The following ARHGAP24 variants were observed in gnomAD, a reference collection of about 807,000 sequenced individuals.
ARHGAP24 encodes rho GTPase-activating protein 24.
In ARHGAP24, 50 loss-of-function variants were observed where a neutral mutation model predicts 76.4. That is an observed-to-expected ratio of 0.65 (90% confidence interval 0.52 to 0.83). ARHGAP24 has a LOEUF of 0.83. ARHGAP24 is among the 40% of genes least tolerant of loss of function. The probability of loss-of-function intolerance (pLI) is 0.00; values close to 1 mark genes in which losing one functional copy is unlikely to be tolerated. For synonymous variants in ARHGAP24, 345 were observed against 323.3 expected (o/e 1.07, Z -0.72); for missense variants, 930 against 914.2 (o/e 1.02, Z -0.22).
chr4:85,682,694 T>A (rs1723251834), intron 2 of ARHGAP24, among the ~76,000 whole-genome samples: 1 of 152,174 alleles, frequency 6.6e-6, no homozygotes, highest in African/African-American at 2.4e-5. Flanking sequence ...ATGCGGTTCT[T>A]TGCACTTTGC....
intron 1 of ARHGAP24, among the ~76,000 whole-genome samples, chr4:85,504,651 G>C (rs1723963685): frequency 6.6e-6 from 1 of 152,150 alleles, no homozygotes; most frequent in Non-Finnish European, 1.5e-5. Flanking sequence ...ACAGCACACT[G>C]ATGGGTCTTG....
At chr4:85,976,668 C>A (rs1739345323) in intron 7 of ARHGAP24, among the ~76,000 whole-genome samples, 1 of 152,168 alleles carries the variant, frequency 6.6e-6, no homozygotes, top group East Asian at 1.9e-4. Context: ...ACAATCTCTC[C>A]TATTATTTCA....
Position 85,701,292 on chromosome 4 carries a change from ATT to A in ARHGAP24, c.181-20591_181-20590del, listed in dbSNP as rs556783384. Among the ~76,000 whole-genome samples, 8 of 151,984 alleles carry A rather than the reference ATT, an allele frequency of 5.3e-5. No individual in the cohort carries two copies. In the South Asian group the frequency reaches 1.7e-3, roughly 32 times the overall value. On this transcript the variant is annotated intron_variant, in intron 2 of 9. Transcript: ENST00000395184. Reference sequence around the variant, plus strand: ...GCCTTTTGTTTTGTTTTAATCTTTTATTTCAATAATTTTTGCGTACAGGCAGG... The same window carrying A: ...GCCTTTTGTTTTGTTTTAATCTTTTATCAATAATTTTTGCGTACAGGCAGG...
At chr4:85,509,280 G>A (rs1444198230) in intron 1 of ARHGAP24, among the ~76,000 whole-genome samples, 1 of 151,148 alleles carries the variant, frequency 6.6e-6, no homozygotes, top group Non-Finnish European at 1.5e-5. Flanking sequence ...CACCAGCATG[G>A]CACATGTATA....
chr4:85,810,595 T>G (rs1728970038), intron 3 of ARHGAP24, among the ~76,000 whole-genome samples: 1 of 152,192 alleles, frequency 6.6e-6, no homozygotes, highest in Admixed American at 6.5e-5. Flanking sequence ...CCAATGGCAT[T>G]ATACAGAAAA....
intron 3 of ARHGAP24, among the ~76,000 whole-genome samples, chr4:85,798,827 G>T (rs1471619000): frequency 2.0e-5 from 3 of 151,972 alleles, no homozygotes; most frequent in South Asian, 2.1e-4. Flanking sequence ...TTAATTTTTT[G>T]ATTTTTTCAT....
chr4:85,522,984 A>G (rs1047241260), intron 1 of ARHGAP24, among the ~76,000 whole-genome samples: 9 of 152,162 alleles, frequency 5.9e-5, no homozygotes, highest in African/African-American at 9.7e-5. Flanking sequence ...TGCTTATCAC[A>G]TGACCACATG....
chr4:85,629,278 C>A (rs1291397206), intron 2 of ARHGAP24, among the ~76,000 whole-genome samples: 2 of 152,144 alleles, frequency 1.3e-5, no homozygotes, highest in Non-Finnish European at 2.9e-5. Flanking sequence ...ATGTTATTGG[C>A]ATCACAGTTT....
chr4:85,572,863 C>CTTTT (rs1727191725), intron 2 of ARHGAP24, among the ~76,000 whole-genome samples: 1 of 142,844 alleles, frequency 7.0e-6, no homozygotes, highest in African/African-American at 2.6e-5. Flanking sequence ...TAACTTTATT[C>CTTTT]TTTTTTCTTT....
chr4:85,722,776 A>C (rs760214428), intron 3 of ARHGAP24, among the ~76,000 whole-genome samples: 2 of 152,186 alleles, frequency 1.3e-5, no homozygotes, highest in Non-Finnish European at 2.9e-5. Context: ...TGTAATATTG[A>C]TATTGATTTG....
chr4:85,611,344 A>G lies in ARHGAP24; in HGVS notation c.180+40623A>G, dbSNP rs144067260. ...AGACTAACCTAAAGTTATTGTGTGG[A>G]TAAACTAATATGCATGGAACACCTT... On this transcript the variant is annotated intron_variant, in intron 2 of 9. Coordinates refer to ENST00000395184, the MANE Select transcript of ARHGAP24 (RefSeq NM_001025616.3). Among the ~76,000 whole-genome samples the G allele has an allele frequency of 1.1e-4, 17 of 152,338 alleles. 1 individual carries two copies. The East Asian group carries it at 3.1e-3, about 28-fold the overall frequency.
At chr4:85,808,438 T>A (rs36104548) in intron 3 of ARHGAP24, among the ~76,000 whole-genome samples, 5 of 152,166 alleles carry the variant, frequency 3.3e-5, no homozygotes, top group Admixed American at 2.0e-4. Context: ...CTTTTCAATA[T>A]TCCTTCACTT....
chr4:85,915,518 C>T (rs1279043357), intron 3 of ARHGAP24, among the ~76,000 whole-genome samples: 1 of 152,092 alleles, frequency 6.6e-6, no homozygotes, highest in Non-Finnish European at 1.5e-5. Flanking sequence ...TTTGCCGCAC[C>T]CATCAACCTG....
Position 85,977,583 on chromosome 4 carries a change from G to A in ARHGAP24, c.820G>A (p.Val274Ile), listed in dbSNP as rs764763958. Residue 274 changes from valine to isoleucine, a missense_variant, in exon 8 of 10, where the codon GTA becomes ATA. Val to Ile is a conservative substitution (Grantham distance 29). Transcript: ENST00000395184. ...LKYICRFLDE[V>I]QSYSGVNKMS... is the part of the protein sequence containing the mutation. Reference sequence around the variant, plus strand: ...TATACTCCATAGATTCTTGGATGAAGTACAGTCCTACTCGGGAGTTAACAA... The same window carrying A: ...TATACTCCATAGATTCTTGGATGAAATACAGTCCTACTCGGGAGTTAACAA... 1.8e-5 allele frequency: 29 copies of A among 1,613,674 alleles called. 1 individual carries two copies. The South Asian group carries it at 2.5e-4, about 14-fold the overall frequency.
chr4:85,815,578 A>T (rs1158007379), intron 3 of ARHGAP24, among the ~76,000 whole-genome samples: 2 of 152,202 alleles, frequency 1.3e-5, no homozygotes, highest in Non-Finnish European at 2.9e-5. Flanking sequence ...CCTCATTTCC[A>T]TCTGAGACCA....
At chr4:85,762,437 C>A (rs563566616) in intron 3 of ARHGAP24, among the ~76,000 whole-genome samples, 1 of 152,264 alleles carries the variant, frequency 6.6e-6, no homozygotes, top group African/African-American at 2.4e-5. Context: ...GCCAGCCTTC[C>A]CATTTTCTCC....
intron 1 of ARHGAP24, among the ~76,000 whole-genome samples, chr4:85,515,062 G>C (rs1324562717): frequency 6.6e-6 from 1 of 152,042 alleles, no homozygotes; most frequent in African/African-American, 2.4e-5. Context: ...GAGAGAGTAC[G>C]TAGAATATTC....
At chr4:85,632,294 A>G (rs1243190953) in intron 2 of ARHGAP24, among the ~76,000 whole-genome samples, 2 of 152,094 alleles carry the variant, frequency 1.3e-5, no homozygotes, top group East Asian at 3.9e-4. Flanking sequence ...TTGATAGACA[A>G]CTAGCAGCTT....
intron 1 of ARHGAP24, among the ~76,000 whole-genome samples, chr4:85,565,805 C>A (rs1365230270): frequency 6.6e-6 from 1 of 152,126 alleles, no homozygotes; most frequent in South Asian, 2.1e-4. Context: ...CTTGTTTATA[C>A]GCATGCTTAT....
Sources: allele counts gnomAD v4.1 joint callset (sites outside exome capture counted in the v4.1 genomes callset), GRCh38; gene constraint gnomAD v4.1.1; transcripts MANE v1.5; gene names NCBI Gene and HGNC (gene_info 2026-07-23, HGNC 2026-07-21).